CHSY3: variants seen among roughly 807,000 people sequenced by gnomAD.
CHSY3 encodes N-acetylgalactosaminyl-proteoglycan 3-beta-glucuronosyltransferase 3.
A neutral mutation model predicts 67.2 loss-of-function variants in CHSY3; 35 were observed. That is an observed-to-expected ratio of 0.52 (90% CI 0.40 to 0.69). The LOEUF is 0.69. Among genes scored for constraint, CHSY3 ranks in the 30% least tolerant of loss-of-function variants. The pLI, the probability that CHSY3 is intolerant of heterozygous loss-of-function variation, is 0.00. For missense variants in CHSY3, 1,069 were observed against 1,138.5 expected, an observed-to-expected ratio of 0.94 and a Z score of 0.88; for synonymous variants, 474 against 434.7, an observed-to-expected ratio of 1.09 and a Z score of -1.12.
intron 2 of CHSY3, among the ~76,000 whole-genome samples, chr5:130,135,707 G>A (rs1768638170): frequency 6.6e-6 from 1 of 151,916 alleles, no homozygotes; most frequent in African/African-American, 2.4e-5. Context: ...CAGTCATGTT[G>A]AACTCATGAC....
At chr5:130,069,041 T>C (rs931470488) in intron 2 of CHSY3, among the ~76,000 whole-genome samples, 2 of 152,120 alleles carry the variant, frequency 1.3e-5, no homozygotes, top group African/African-American at 4.8e-5. Flanking sequence ...CCATATTTTC[T>C]AATAGGTTAC....
chr5:129,921,996 T>C (rs79401493), intron 2 of CHSY3, among the ~76,000 whole-genome samples: 3,503 of 152,246 alleles, frequency 0.023, 123 homozygotes, highest in African/African-American at 0.08. Context: ...TAACACACTC[T>C]ACCCACCCCC....
chr5:130,125,980 C>T (rs1768269687), intron 2 of CHSY3, among the ~76,000 whole-genome samples: 1 of 152,102 alleles, frequency 6.6e-6, no homozygotes, highest in Non-Finnish European at 1.5e-5. Flanking sequence ...GTTTCCTTTA[C>T]ATACTTGCTT....
chr5:130,148,801 C>G (rs750123138), intron 2 of CHSY3, among the ~76,000 whole-genome samples: 18 of 151,842 alleles, frequency 1.2e-4, no homozygotes, highest in Non-Finnish European at 2.2e-4. Flanking sequence ...GATATTAGAC[C>G]TTTGTCAGAT....
At chr5:130,108,443 G>T (rs1767482117) in intron 2 of CHSY3, among the ~76,000 whole-genome samples, 1 of 151,418 alleles carries the variant, frequency 6.6e-6, no homozygotes, top group South Asian at 2.1e-4. Flanking sequence ...TTCTCCTTTG[G>T]CTAACTTAAG....
At position 129,980,615 on chromosome 5, in the gene CHSY3, A is replaced by C. The variant is rs115025742; in HGVS notation, c.1086+72255A>C. On this transcript the variant is annotated intron_variant, in intron 2 of 2. Coordinates refer to ENST00000305031, the MANE Select transcript of CHSY3 (RefSeq NM_175856.5). ...GCCTTTCACAGAGCATAAGTTTTTAAATTTATCGAAGTCCAGCTTATCAAT... is the reference window on the plus strand; with the variant it reads ...GCCTTTCACAGAGCATAAGTTTTTACATTTATCGAAGTCCAGCTTATCAAT... 9.5e-3 allele frequency among the ~76,000 whole-genome samples: 1,446 copies of C among 152,198 alleles called. 20 individuals are homozygous for C. The highest frequency in any genetic ancestry group is 0.033 in the African/African-American group (1,355 of 41,530).
intron 2 of CHSY3, among the ~76,000 whole-genome samples, chr5:129,999,259 T>G (rs1023317166): frequency 6.6e-6 from 1 of 152,082 alleles, no homozygotes; most frequent in Non-Finnish European, 1.5e-5. Flanking sequence ...ACACCCAACC[T>G]TTTGTGAAAA....
chr5:129,916,990 C>T (rs566320837), intron 2 of CHSY3, among the ~76,000 whole-genome samples: 1 of 152,086 alleles, frequency 6.6e-6, no homozygotes, highest in Admixed American at 6.5e-5. Flanking sequence ...AAGTAAGCCT[C>T]TTCTTTTGTT....
intron 2 of CHSY3, among the ~76,000 whole-genome samples, chr5:129,972,178 T>C (rs1762661192): frequency 6.6e-6 from 1 of 152,020 alleles, no homozygotes; most frequent in Non-Finnish European, 1.5e-5. Context: ...CAAAATTATT[T>C]AGAATGACTT....
intron 2 of CHSY3, among the ~76,000 whole-genome samples, chr5:129,999,450 A>G (rs1763654904): frequency 6.6e-6 from 1 of 152,176 alleles, no homozygotes; most frequent in East Asian, 1.9e-4. Flanking sequence ...ATCCTAGAGA[A>G]GATCTAGGCA....
chr5:129,934,775 G>A (rs141152644), intron 2 of CHSY3, among the ~76,000 whole-genome samples: 1,711 of 152,240 alleles, frequency 0.011, 39 homozygotes, highest in African/African-American at 0.038. Flanking sequence ...GCGGTCTGTT[G>A]TGAATAAGAT....
intron 2 of CHSY3, among the ~76,000 whole-genome samples, chr5:129,928,338 T>C: frequency 6.6e-6 from 1 of 152,068 alleles, no homozygotes; most frequent in Non-Finnish European, 1.5e-5. Flanking sequence ...TAGAACTGTA[T>C]CTAATAGTTT....
chr5:130,122,357 T>A (rs1467808444), intron 2 of CHSY3, among the ~76,000 whole-genome samples: 1 of 152,182 alleles, frequency 6.6e-6, no homozygotes, highest in Non-Finnish European at 1.5e-5. Flanking sequence ...AAGAGATTAA[T>A]CTAATCTAAG....
At chr5:129,950,306 G>T (rs1258488492) in intron 2 of CHSY3, among the ~76,000 whole-genome samples, 1 of 151,982 alleles carries the variant, frequency 6.6e-6, no homozygotes, top group Non-Finnish European at 1.5e-5. Flanking sequence ...CATATGATAA[G>T]CCTGCACCAT....
intron 2 of CHSY3, among the ~76,000 whole-genome samples, chr5:129,911,594 T>G (rs1276462120): frequency 6.6e-6 from 1 of 152,216 alleles, no homozygotes; most frequent in Non-Finnish European, 1.5e-5. Flanking sequence ...TTATACAACA[T>G]GGATTCATAT....
intron 2 of CHSY3, chr5:130,001,998 T>G: frequency 2.3e-6 from 2 of 873,558 alleles, no homozygotes; most frequent in Non-Finnish European, 2.7e-6. Context: ...TTATAGTAAC[T>G]TAGAGCTACT....
At position 130,004,332 on chromosome 5, in the gene CHSY3, A is replaced by G. The variant is rs1763812968; in HGVS notation, c.1086+95972A>G. Among the ~76,000 whole-genome samples the G allele has an allele frequency of 2.0e-5, 3 of 152,304 alleles. No individual in the cohort carries two copies. In the South Asian group the frequency reaches 6.2e-4, roughly 32 times the overall value. On this transcript the variant is annotated intron_variant, in intron 2 of 2. Coordinates refer to ENST00000305031, the MANE Select transcript of CHSY3 (RefSeq NM_175856.5). Reference sequence around the variant, plus strand: ...AATAATGCAATGTCTTTCTTTAAATAAGCTTGTGTTTTTCAACGTTTACAA... The same window carrying G: ...AATAATGCAATGTCTTTCTTTAAATGAGCTTGTGTTTTTCAACGTTTACAA...
intron 2 of CHSY3, among the ~76,000 whole-genome samples, chr5:130,026,561 C>T (rs1343347906): frequency 6.6e-6 from 1 of 151,914 alleles, no homozygotes; most frequent in South Asian, 2.1e-4. Flanking sequence ...ATATATTTTG[C>T]CTTGTAATTC....
chr5:130,003,111 T>G (rs1392529925), intron 2 of CHSY3, among the ~76,000 whole-genome samples: 1 of 152,234 alleles, frequency 6.6e-6, no homozygotes, highest in Non-Finnish European at 1.5e-5. Context: ...ACTGTTGTCC[T>G]GTTTTTGATG....
Sources: gnomAD v4.1 joint callset for allele counts (sites outside exome capture counted in the v4.1 genomes callset) on GRCh38, gnomAD v4.1.1 for gene constraint, MANE v1.5 for transcripts, NCBI Gene and HGNC (gene_info 2026-07-23, HGNC 2026-07-21) for gene names.